The following NEDD1 variants were observed in gnomAD, a reference collection of about 807,000 sequenced individuals.
NEDD1 encodes the protein protein NEDD1.
Under a neutral mutation model 74.0 loss-of-function variants are expected in NEDD1, and 33 were observed. The observed-to-expected ratio is 0.45, with a 90% CI of 0.34 to 0.60. The LOEUF is 0.60. Among genes scored for constraint, NEDD1 ranks in the 20% least tolerant of loss-of-function variants. The pLI is 0.01. For synonymous variants in NEDD1, 250 were observed against 264.4 expected (o/e 0.95, Z 0.53); for missense variants, 746 against 776.5 (o/e 0.96, Z 0.47).
chr12:96,909,721 T>C (rs777539802), intron 2 of NEDD1, 31 bp from the exon 3 acceptor site: 33 of 1,581,320 alleles, frequency 2.1e-5, no homozygotes, highest in Non-Finnish European at 2.7e-5. Flanking sequence ...CTTAAATGTT[T>C]TTAAAATACA....
chr12:96,912,839 TAAAC>T, intron 4 of NEDD1, 22 bp downstream of exon 4: 11 of 1,159,236 alleles, frequency 9.5e-6, no homozygotes, highest in Middle Eastern at 2.0e-4. Flanking sequence ...TTTTTTTTTT[TAAAC>T]TTTTAAAAAT....
At chr12:96,922,035 A>G (rs1875154496) in intron 6 of NEDD1, among the ~76,000 whole-genome samples, 1 of 152,240 alleles carries the variant, frequency 6.6e-6, no homozygotes, top group Admixed American at 6.5e-5. Context: ...ATATGAATAT[A>G]GTATTGATGT....
chr12:96,918,925 G>A (rs1874762529), intron 5 of NEDD1, among the ~76,000 whole-genome samples: 1 of 152,090 alleles, frequency 6.6e-6, no homozygotes, highest in Admixed American at 6.5e-5. Context: ...TTTTGGGAAA[G>A]GAATAATAGG....
Position 96,945,787 on chromosome 12 carries a change from A to G in NEDD1, c.1749A>G (p.Pro583=), listed in dbSNP as rs1878135942. The G allele has an allele frequency of 6.2e-7, 1 of 1,611,920 alleles. No homozygotes were observed. Among genetic ancestry groups the G allele is most frequent in the African/African-American group, 1.3e-5 (1 of 74,998 alleles). The change falls in exon 14 of 16, where the codon CCA becomes CCG. Residue 583 remains proline, a synonymous_variant. Transcript: ENST00000266742. ...TTGGAAATAACCGGCAAAATGCACC[A>G]TTGACTTCCATTCAAATTCGTTTTA... ...DSIGNNRQNA[P]LTSIQIRFIQ...
In NEDD1 at chr12:96,930,195, ACACACACACACACACACTCTCT is replaced by A. The variant is rs1452441838; in HGVS notation, c.490-4779_490-4758del. Among the ~76,000 whole-genome samples, 256 of 74,672 alleles carry A rather than the reference ACACACACACACACACACTCTCT, an allele frequency of 3.4e-3. 2 individuals carry two copies. The highest frequency in any genetic ancestry group is 0.013 in the African/African-American group (245 of 18,340). The allele number at this position is 74,672 out of a possible 152,430, so 49.0% of individuals were successfully genotyped here. On this transcript the variant is annotated intron_variant, in intron 6 of 15. Coordinates refer to ENST00000266742, the MANE Select transcript of NEDD1 (RefSeq NM_152905.4). ...CACACACACACACACACACACACAC[ACACACACACACACACACTCTCT>A]CTCTCTCTCTCTCTCTCTCTCTCTC... is the stretch of plus-strand genomic sequence containing the variant.
intron 7 of NEDD1, 136 bp from the exon 8 acceptor site, chr12:96,936,475 A>G: frequency 1.6e-6 from 1 of 616,988 alleles, no homozygotes; most frequent in Non-Finnish European, 2.9e-6. Flanking sequence ...TGCTTTAAAC[A>G]AATATTTGGG....
At chr12:96,908,550 T>C (rs1873567423) in intron 2 of NEDD1, among the ~76,000 whole-genome samples, 1 of 152,218 alleles carries the variant, frequency 6.6e-6, no homozygotes, top group Admixed American at 6.5e-5. Context: ...AGCAGCTTCT[T>C]TGCCTTCTGT....
intron 14 of NEDD1, among the ~76,000 whole-genome samples, chr12:96,948,981 C>T (rs1878455496): frequency 6.6e-6 from 1 of 152,132 alleles, no homozygotes; most frequent in Non-Finnish European, 1.5e-5. Context: ...GGGGAAATTC[C>T]ACAGTTTCAG....
intron 6 of NEDD1, among the ~76,000 whole-genome samples, chr12:96,932,463 A>AAAAAAAAAAAAAAATATAT: frequency 1.1e-4 from 1 of 9,438 alleles, no homozygotes; most frequent in African/African-American, 3.4e-4. Context: ...AAAAAAAAAA[A>AAAAAAAAAAAAAAATATAT]ATATATATAT....
At chr12:96,928,317 A>G (rs1372921078) in intron 6 of NEDD1, among the ~76,000 whole-genome samples, 1 of 152,158 alleles carries the variant, frequency 6.6e-6, no homozygotes, top group Non-Finnish European at 1.5e-5. Flanking sequence ...GCCATCATTT[A>G]CCTAAAAATC....
chr12:96,911,924 C>T (rs1873955921), intron 3 of NEDD1, among the ~76,000 whole-genome samples: 1 of 152,136 alleles, frequency 6.6e-6, no homozygotes, highest in Non-Finnish European at 1.5e-5. Context: ...CTTTTACTCA[C>T]AGATTTTAAT....
chr12:96,928,683 T>C (rs1323453905), intron 6 of NEDD1, among the ~76,000 whole-genome samples: 1 of 71,772 alleles, frequency 1.4e-5, no homozygotes, highest in Non-Finnish European at 2.6e-5. Flanking sequence ...GTGTGTTTCT[T>C]TTTTTTTTTT....
At chr12:96,914,133 C>T (rs754212263) in intron 4 of NEDD1, among the ~76,000 whole-genome samples, 4 of 152,094 alleles carry the variant, frequency 2.6e-5, no homozygotes, top group East Asian at 1.9e-4. Context: ...TGTCTCTGGT[C>T]GATAAAGGCA....
At chr12:96,911,605 C>T (rs1327788045) in intron 3 of NEDD1, among the ~76,000 whole-genome samples, 3 of 152,162 alleles carry the variant, frequency 2.0e-5, no homozygotes, top group Non-Finnish European at 2.9e-5. Flanking sequence ...TTACGTTCCT[C>T]ACTTTCTCAT....
Position 96,953,609 on chromosome 12 carries a change from T to C in NEDD1, c.*1556T>C, listed in dbSNP as rs1476806531. 6.6e-6 allele frequency: 1 copy of C among 151,792 alleles called. No homozygotes were observed. The highest frequency in any genetic ancestry group is 1.9e-4 in the East Asian group (1 of 5,190). The allele number at this position is 151,792 out of a possible 1,614,324, so 9.4% of individuals were successfully genotyped here. A position where few individuals can be genotyped will look rare whatever the true frequency, so the allele number is the denominator to read the frequency against. ...AGGTGGGATGAAATAATTTTAGTAA[T>C]TATGTGTACAGATGAAACATTTTTG... On this transcript the variant is annotated 3_prime_UTR_variant, in exon 16 of 16. Transcript: ENST00000266742.
intron 7 of NEDD1, 22 bp downstream of exon 7, chr12:96,935,227 CTTAAT>C (rs1442046050): frequency 7.7e-7 from 1 of 1,297,240 alleles, no homozygotes; most frequent in Non-Finnish European, 1.1e-6. Flanking sequence ...ATGCTTATTT[CTTAAT>C]TTAGTAACAA....
intron 6 of NEDD1, among the ~76,000 whole-genome samples, chr12:96,923,829 T>A (rs961287311): frequency 3.9e-4 from 58 of 147,510 alleles, no homozygotes; most frequent in Non-Finnish European, 2.5e-4. Flanking sequence ...TGTGTGTGTG[T>A]GAAACTGTAT....
At chr12:96,916,257 A>T (rs1874428972) in intron 4 of NEDD1, among the ~76,000 whole-genome samples, 1 of 149,564 alleles carries the variant, frequency 6.7e-6, no homozygotes, top group Admixed American at 6.7e-5. Flanking sequence ...TATTATTATT[A>T]TTATTTTTAA....
At chr12:96,929,270 G>GA (rs1220811436) in intron 6 of NEDD1, among the ~76,000 whole-genome samples, 2 of 150,720 alleles carry the variant, frequency 1.3e-5, no homozygotes, top group Non-Finnish European at 3.0e-5. Context: ...TTTTTGAAGA[G>GA]ATTTAAAAAA....
Sources: allele counts gnomAD v4.1 joint callset (sites outside exome capture counted in the v4.1 genomes callset), GRCh38; gene constraint gnomAD v4.1.1; transcripts MANE v1.5; gene names NCBI Gene and HGNC (gene_info 2026-07-23, HGNC 2026-07-21).